Variants in AXIN1 observed in about 807,000 individuals in gnomAD.
AXIN1 encodes the protein axin 1, also known as axin-1.
In AXIN1, 30 loss-of-function variants were observed where a neutral mutation model predicts 76.4. The observed-to-expected ratio is 0.39, with a 90% CI of 0.29 to 0.53. The LOEUF (loss-of-function observed/expected upper bound fraction) is 0.53, where lower values mean the gene tolerates loss of function less well. Ranked by LOEUF, AXIN1 falls within the 20% of genes least tolerant of loss-of-function variation. AXIN1 has a pLI of 0.66. For missense variants in AXIN1, 1,140 were observed against 1,198.8 expected, an observed-to-expected ratio of 0.95 and a Z score of 0.72; for synonymous variants, 545 against 501.4, an observed-to-expected ratio of 1.09 and a Z score of -1.16.
chr16:328,765 T>G (rs551449620), intron 2 of AXIN1, among the ~76,000 whole-genome samples: 8 of 152,148 alleles, frequency 5.3e-5, no homozygotes, highest in Admixed American at 4.6e-4. Context: ...ACACTCATGA[T>G]TTTGAAAGGC....
At chr16:316,312 G>A (rs1349005511) in intron 2 of AXIN1, among the ~76,000 whole-genome samples, 2 of 152,102 alleles carry the variant, frequency 1.3e-5, no homozygotes, top group Admixed American at 6.5e-5. Context: ...CATCAAAATG[G>A]AGATACAGCT....
At chr16:299,740 C>T (rs543527411) in intron 5 of AXIN1, among the ~76,000 whole-genome samples, 1 of 152,270 alleles carries the variant, frequency 6.6e-6, no homozygotes, top group African/African-American at 2.4e-5. Context: ...ACTGCAACCT[C>T]CGTCTCCCGG....
chr16:329,000 G>A (rs2053636391), intron 2 of AXIN1, among the ~76,000 whole-genome samples: 1 of 152,166 alleles, frequency 6.6e-6, no homozygotes, highest in African/African-American at 2.4e-5. Flanking sequence ...AGTGGGCTGG[G>A]CACGGTAGCT....
rs923880740 is a variant in AXIN1, at chr16:297,755, G to A, written c.1751C>T (p.Ala584Val). Residue 584 changes from alanine to valine, a missense_variant, in exon 6 of 11, where the codon GCT becomes GTT. Ala to Val is a moderately conservative substitution (Grantham distance 64, BLOSUM62 0). This residue lies in a region of AXIN1 where 429 missense variants were observed against 405.8 expected (regional missense o/e 1.06). Transcript: ENST00000262320. ...GAGGCCATCACTGGCGTTGGGGGCAGCGCCAACACTCTCTGAGTAGCCTCG... is the reference window on the plus strand; with the variant it reads ...GAGGCCATCACTGGCGTTGGGGGCAACGCCAACACTCTCTGAGTAGCCTCG... Reference protein sequence around the residue: ...RSRGYSESVGAAPNASDGLAH... With the variant: ...RSRGYSESVGVAPNASDGLAH... 2 of 1,594,618 alleles carry A rather than the reference G, an allele frequency of 1.3e-6. No individual in the cohort carries two copies. Among genetic ancestry groups the A allele is most frequent in the Non-Finnish European group, 1.7e-6 (2 of 1,171,684 alleles).
rs1402116266 is a variant in AXIN1 at position 331,663 on chromosome 16, G to A, written c.878+14485C>T. On this transcript the variant is annotated intron_variant, in intron 2 of 10. Transcript: ENST00000262320. ...AACAAAGCCAAAACAAAAACTGCCT[G>A]GACTGCTTTTATTTGCAAACTTTTT... 6.6e-5 allele frequency among the ~76,000 whole-genome samples: 10 copies of A among 152,158 alleles called. No homozygotes were observed. The East Asian group carries it at 1.9e-3, about 29-fold the overall frequency.
At chr16:288,899 C>T (rs564574526) in intron 10 of AXIN1, among the ~76,000 whole-genome samples, 8 of 152,362 alleles carry the variant, frequency 5.3e-5, no homozygotes, top group Admixed American at 2.0e-4. Context: ...AGACCATCGT[C>T]GTCTAGGGGT....
intron 9 of AXIN1, chr16:289,966 C>T (rs2052508676): frequency 5.0e-6 from 2 of 403,960 alleles, no homozygotes; most frequent in South Asian, 4.6e-5. Flanking sequence ...ACCTTAAAAA[C>T]ATCTGAAGGG....
At chr16:337,862 C>T (rs192482670) in intron 2 of AXIN1, among the ~76,000 whole-genome samples, 7 of 152,362 alleles carry the variant, frequency 4.6e-5, no homozygotes, top group African/African-American at 1.7e-4. Flanking sequence ...GCCCCCTGGA[C>T]GCCACAGCAG....
rs1331900236 is a variant in AXIN1, at chr16:323,634, A to G, written c.879-8951T>C. Reference sequence around the variant, plus strand: ...GTCTCTACCAAAAATACAAAAAATTAGCCAAGCGTGGTGGCAGGTGCCTGT... The same window carrying G: ...GTCTCTACCAAAAATACAAAAAATTGGCCAAGCGTGGTGGCAGGTGCCTGT... On this transcript the variant is annotated intron_variant, in intron 2 of 10. Transcript: ENST00000262320. Among the ~76,000 whole-genome samples the G allele has an allele frequency of 3.3e-5, 5 of 151,180 alleles. No individual in the cohort carries two copies. In the South Asian group the frequency reaches 8.4e-4, roughly 25 times the overall value.
intron 3 of AXIN1, among the ~76,000 whole-genome samples, chr16:311,117 G>GT (rs369602806): frequency 6.6e-6 from 1 of 151,904 alleles, no homozygotes; most frequent in Non-Finnish European, 1.5e-5. Context: ...ACTGCAAGCC[G>GT]CTCCCGGGTT....
chr16:351,773 G>A (rs527382985), intron 1 of AXIN1, among the ~76,000 whole-genome samples: 3 of 152,118 alleles, frequency 2.0e-5, no homozygotes, highest in Admixed American at 6.5e-5. Flanking sequence ...TCTTATAGAT[G>A]GGCTGAGAAA....
chr16:291,293 C>T lies in AXIN1; in HGVS notation c.2191G>A (p.Val731Met). The T allele has an allele frequency of 6.3e-7, 1 of 1,576,812 alleles. No individual in the cohort carries two copies. Among genetic ancestry groups the T allele is most frequent in the Non-Finnish European group, 8.6e-7 (1 of 1,162,066 alleles). The change falls in exon 9 of 11, where the codon GTG (valine) becomes ATG (methionine). Residue 731 changes from valine to methionine, a missense_variant. By Grantham distance (21) the Val-to-Met change is conservative. This residue lies in a region of AXIN1 where 429 missense variants were observed against 405.8 expected (regional missense o/e 1.06). Coordinates refer to ENST00000262320, the MANE Select transcript of AXIN1 (RefSeq NM_003502.4). The stretch of plus-strand genomic sequence containing the variant: ...CGTCCCCGCCGCATAACCTCCTGCA[C>T]ATACCTAGGGAACAACCCGCGTCAA... ...ASRAPSKQRY[V>M]QEVMRRGRAC...
chr16:341,856 T>A (rs2053930271), intron 2 of AXIN1, among the ~76,000 whole-genome samples: 2 of 152,188 alleles, frequency 1.3e-5, no homozygotes, highest in Admixed American at 6.6e-5. Flanking sequence ...CAATCGACAC[T>A]CTGTATCTAG....
chr16:323,547 C>T (rs557810473), intron 2 of AXIN1, among the ~76,000 whole-genome samples: 5 of 151,764 alleles, frequency 3.3e-5, no homozygotes, highest in Non-Finnish European at 5.9e-5. Flanking sequence ...TTTGGGAGGC[C>T]GAGGCGGGTG....
intron 2 of AXIN1, among the ~76,000 whole-genome samples, chr16:337,886 T>C (rs1227934681): frequency 6.6e-6 from 1 of 152,236 alleles, no homozygotes; most frequent in Non-Finnish European, 1.5e-5. Context: ...GGCAGAGCTG[T>C]GTGTGTTTTC....
chr16:311,873 A>G (rs6600212), intron 3 of AXIN1, among the ~76,000 whole-genome samples: 81,413 of 152,044 alleles, frequency 0.54, 22,435 homozygotes, highest in South Asian at 0.7. Flanking sequence ...CAGGAGACAC[A>G]GGACGACTGA....
In AXIN1 at chr16:289,457, G is replaced by A. The variant is rs1478771070; in HGVS notation, c.2445C>T (p.Thr815=). The part of the protein sequence containing the change: ...VTLGQFKELL[T]KKGSYRYYFK... ...ACACTCACCTGTAGCTGCCCTTTTT[G>A]GTCAGCAGCTCCTTGAACTGGCCCA... The change falls in exon 10 of 11, where the codon ACC becomes ACT. Residue 815 remains threonine (T), a synonymous_variant. Coordinates refer to ENST00000262320, the MANE Select transcript of AXIN1 (RefSeq NM_003502.4). The A allele has an allele frequency of 3.1e-6, 5 of 1,612,726 alleles. No homozygotes were observed. The highest frequency in any genetic ancestry group is 3.4e-6 in the Non-Finnish European group (4 of 1,179,988).
At chr16:332,979 G>A (rs556151370) in intron 2 of AXIN1, among the ~76,000 whole-genome samples, 1 of 152,254 alleles carries the variant, frequency 6.6e-6, no homozygotes, top group East Asian at 1.9e-4. Context: ...AAGGCCTGGA[G>A]CTTGAGACCA....
intron 10 of AXIN1, among the ~76,000 whole-genome samples, chr16:289,072 C>T (rs1317500024): frequency 6.7e-6 from 1 of 148,432 alleles, no homozygotes; most frequent in Non-Finnish European, 1.5e-5. Context: ...GGCCGGAAGC[C>T]CTTTTTCTTC....
Sources: allele counts gnomAD v4.1 joint callset (sites outside exome capture counted in the v4.1 genomes callset), GRCh38; gene constraint gnomAD v4.1.1; regional missense constraint gnomAD v4.1.1; transcripts MANE v1.5; gene names NCBI Gene and HGNC (gene_info 2026-07-23, HGNC 2026-07-21).